Variants in ARHGAP24 observed in about 807,000 individuals in gnomAD.
ARHGAP24 encodes the protein Rho GTPase activating protein 24.
Under a neutral mutation model 76.4 loss-of-function variants are expected in ARHGAP24, and 50 were observed. The ratio of observed to expected loss-of-function variants is 0.65; its 90% CI spans 0.52 to 0.83. ARHGAP24 has a LOEUF of 0.83. Ranked by LOEUF, ARHGAP24 falls within the 40% of genes least tolerant of loss-of-function variation. ARHGAP24 has a pLI of 0.00. For missense variants in ARHGAP24, 930 were observed against 914.2 expected, an observed-to-expected ratio of 1.02 and a Z score of -0.22; for synonymous variants, 345 against 323.3, an observed-to-expected ratio of 1.07 and a Z score of -0.72.
intron 1 of ARHGAP24, among the ~76,000 whole-genome samples, chr4:85,553,151 G>A (rs142760900): frequency 0.059 from 8,982 of 151,670 alleles, 802 homozygotes; most frequent in African/African-American, 0.19. Flanking sequence ...TTGTGGTCTC[G>A]CTGGCTTCAG....
intron 2 of ARHGAP24, among the ~76,000 whole-genome samples, chr4:85,712,460 G>C (rs977971757): frequency 3.3e-5 from 5 of 152,176 alleles, no homozygotes; most frequent in Non-Finnish European, 5.9e-5. Flanking sequence ...TCCCTTGGCT[G>C]TTGTAACAGA....
chr4:86,001,606 G>T lies in ARHGAP24; in HGVS notation c.*884G>T. 3 of 395,082 alleles carry T rather than the reference G, an allele frequency of 7.6e-6. No homozygotes were observed. Among genetic ancestry groups the T allele is most frequent in the East Asian group, 3.6e-5 (1 of 27,908 alleles). 24.5% of individuals were successfully genotyped at this position (395,082 alleles called of 1,614,324 possible). ...GAATTCTCCTGCTACTTAGGTACTG[G>T]GAAACAATGCTTGCTAAACCATGCC... On this transcript the variant is annotated 3_prime_UTR_variant, in exon 10 of 10. Transcript: ENST00000395184.
chr4:85,778,636 T>G (rs1727400334), intron 3 of ARHGAP24: 1 of 958,450 alleles, frequency 1.0e-6, no homozygotes, highest in Admixed American at 6.2e-5. Flanking sequence ...AATGCTCAAA[T>G]ACTACATTAT....
intron 3 of ARHGAP24, among the ~76,000 whole-genome samples, chr4:85,740,451 G>A (rs532365602): frequency 6.6e-6 from 1 of 151,996 alleles, no homozygotes; most frequent in Non-Finnish European, 1.5e-5. Flanking sequence ...TCGAACTCCT[G>A]ACCTCAAGTC....
intron 3 of ARHGAP24, among the ~76,000 whole-genome samples, chr4:85,907,464 T>A (rs1448230505): frequency 1.3e-5 from 2 of 152,240 alleles, no homozygotes; most frequent in Non-Finnish European, 2.9e-5. Flanking sequence ...AATTGCTTTC[T>A]TGAATGACAT....
At chr4:85,542,103 G>A (rs1023245327) in intron 1 of ARHGAP24, among the ~76,000 whole-genome samples, 4 of 152,184 alleles carry the variant, frequency 2.6e-5, no homozygotes, top group South Asian at 2.1e-4. Context: ...ATCAGCATGC[G>A]TCAGTCACCA....
rs1560687911 is a variant in ARHGAP24 at position 85,874,782 on chromosome 4, A to ATT, written c.269-48864_269-48863dup. ...TTTATATAATTTATATATAAAATATATTTATATATAATTTATATATAAAAT... is the reference window on the plus strand; with the variant it reads ...TTTATATAATTTATATATAAAATATATTTTTATATATAATTTATATATAAAAT... On this transcript the variant is annotated intron_variant, in intron 3 of 9. Transcript: ENST00000395184. 2.4e-4 allele frequency among the ~76,000 whole-genome samples: 14 copies of ATT among 58,708 alleles called. 2 individuals are homozygous for ATT. Among genetic ancestry groups the ATT allele is most frequent in the South Asian group, 1.5e-3 (2 of 1,308 alleles). The allele number at this position is 58,708 out of a possible 152,430, so 38.5% of individuals were successfully genotyped here. A position where few individuals can be genotyped will look rare whatever the true frequency, so the allele number is the denominator to read the frequency against.
intron 2 of ARHGAP24, among the ~76,000 whole-genome samples, chr4:85,656,274 A>G (rs953484440): frequency 2.0e-5 from 3 of 152,240 alleles, no homozygotes; most frequent in Admixed American, 6.5e-5. Flanking sequence ...ATTTGAAATT[A>G]AAATTTGACA....
chr4:85,958,455 G>A (rs1738049445), intron 5 of ARHGAP24, among the ~76,000 whole-genome samples: 1 of 152,154 alleles, frequency 6.6e-6, no homozygotes, highest in South Asian at 2.1e-4. Flanking sequence ...GTGATACAGA[G>A]ACTAGTATTT....
chr4:85,931,818 A>G (rs1456295791), intron 4 of ARHGAP24, among the ~76,000 whole-genome samples: 1 of 152,220 alleles, frequency 6.6e-6, no homozygotes, highest in East Asian at 1.9e-4. Flanking sequence ...GAATAATTAA[A>G]TGGAATGGCT....
intron 1 of ARHGAP24, among the ~76,000 whole-genome samples, chr4:85,547,955 G>T (rs1725983122): frequency 6.6e-6 from 1 of 152,126 alleles, no homozygotes; most frequent in South Asian, 2.1e-4. Flanking sequence ...CTGAAAGGAA[G>T]AGCTTTCCCA....
At chr4:85,649,587 C>A (rs28591585) in intron 2 of ARHGAP24, among the ~76,000 whole-genome samples, 9,966 of 152,164 alleles carry the variant, frequency 0.065, 1,084 homozygotes, top group African/African-American at 0.23. Context: ...ATTAGAAAGT[C>A]CTTGACTCAT....
At chr4:85,758,100 A>G (rs1000321013) in intron 3 of ARHGAP24, among the ~76,000 whole-genome samples, 2 of 152,186 alleles carry the variant, frequency 1.3e-5, no homozygotes, top group Non-Finnish European at 2.9e-5. Flanking sequence ...CGTATTCCCT[A>G]CTACTTCTGT....
At chr4:85,877,417 G>T (rs1395436881) in intron 3 of ARHGAP24, among the ~76,000 whole-genome samples, 2 of 152,148 alleles carry the variant, frequency 1.3e-5, no homozygotes, top group African/African-American at 4.8e-5. Context: ...TTGGGCCCAG[G>T]AATTTGAGAC....
At chr4:85,573,125 C>T (rs1014214969) in intron 2 of ARHGAP24, among the ~76,000 whole-genome samples, 16 of 152,108 alleles carry the variant, frequency 1.1e-4, no homozygotes, top group Non-Finnish European at 5.9e-5. Flanking sequence ...GATCCACCTG[C>T]CTCAGCCTCC....
rs560641519 is a variant in ARHGAP24 at position 85,692,729 on chromosome 4, A to G, written c.181-29156A>G. Among the ~76,000 whole-genome samples the G allele has an allele frequency of 2.0e-5, 3 of 152,154 alleles. No individual in the cohort carries two copies. In the East Asian group the frequency reaches 5.8e-4, roughly 29 times the overall value. ...TGCAGCTCTTGGATTATTTTACTGG[A>G]TTTGTTGGATTGGTTTTCAACTTTC... On this transcript the variant is annotated intron_variant, in intron 2 of 9. Coordinates refer to ENST00000395184, the MANE Select transcript of ARHGAP24 (RefSeq NM_001025616.3).
At chr4:85,814,943 G>A (rs150297532) in intron 3 of ARHGAP24, among the ~76,000 whole-genome samples, 3,524 of 152,248 alleles carry the variant, frequency 0.023, 114 homozygotes, top group African/African-American at 0.069. Context: ...AAATCTAGGC[G>A]GAGGTTCCCA....
At chr4:85,721,329 AG>A (rs1367940916) in intron 2 of ARHGAP24, among the ~76,000 whole-genome samples, 1 of 151,676 alleles carries the variant, frequency 6.6e-6, no homozygotes, top group East Asian at 1.9e-4. Context: ...CGGAAGGCAG[AG>A]GTTGCAGCGA....
chr4:85,570,411 T>G (rs1727088001), intron 1 of ARHGAP24, 111 bp from the exon 2 acceptor site: 1 of 399,212 alleles, frequency 2.5e-6, no homozygotes, highest in African/African-American at 3.2e-5. Flanking sequence ...TCTTTCTTTC[T>G]TTCTTTCCTC....
Sources: gnomAD v4.1 joint callset for allele counts (sites outside exome capture counted in the v4.1 genomes callset) on GRCh38, gnomAD v4.1.1 for gene constraint, MANE v1.5 for transcripts, NCBI Gene and HGNC (gene_info 2026-07-23, HGNC 2026-07-21) for gene names.